Variants in MKLN1 observed in about 807,000 individuals in gnomAD.
MKLN1 encodes muskelin.
A neutral mutation model predicts 99.0 loss-of-function variants in MKLN1; 18 were observed. The ratio of observed to expected loss-of-function variants is 0.18; its 90% CI spans 0.13 to 0.27. The LOEUF is 0.27. Among genes scored for constraint, MKLN1 ranks in the 10% least tolerant of loss-of-function variants. The pLI is 1.00. For missense variants in MKLN1, 621 were observed against 875.9 expected, an observed-to-expected ratio of 0.71 and a Z score of 3.67; for synonymous variants, 288 against 293.2, an observed-to-expected ratio of 0.98 and a Z score of 0.18.
At chr7:131,348,677 G>C (rs572752019) in intron 1 of MKLN1, among the ~76,000 whole-genome samples, 1 of 152,084 alleles carries the variant, frequency 6.6e-6, no homozygotes, top group Non-Finnish European at 1.5e-5. Flanking sequence ...GGGTATGAGA[G>C]GAGAGTTCTT....
intron 3 of MKLN1, among the ~76,000 whole-genome samples, chr7:131,295,054 C>T (rs988205809): frequency 2.6e-5 from 4 of 152,148 alleles, no homozygotes; most frequent in Admixed American, 6.5e-5. Context: ...TAACCTCTAC[C>T]GTGTGACAGG....
chr7:131,460,492 A>T (rs1288791741), intron 12 of MKLN1, among the ~76,000 whole-genome samples: 1 of 152,262 alleles, frequency 6.6e-6, no homozygotes, highest in Non-Finnish European at 1.5e-5. Flanking sequence ...TAGGCACACA[A>T]GTTGGGAACA....
intron 1 of MKLN1, among the ~76,000 whole-genome samples, chr7:131,136,759 G>A (rs1366420577): frequency 6.6e-6 from 1 of 152,152 alleles, no homozygotes; most frequent in African/African-American, 2.4e-5. Flanking sequence ...TTATTTGTTG[G>A]TGTCTTTGCC....
At chr7:131,123,999 A>G (rs935209302) in intron 1 of MKLN1, among the ~76,000 whole-genome samples, 21 of 152,194 alleles carry the variant, frequency 1.4e-4, no homozygotes, top group Non-Finnish European at 5.9e-5. Context: ...GTCAGACAAA[A>G]CTAAGTTTAA....
intron 3 of MKLN1, among the ~76,000 whole-genome samples, chr7:131,241,747 A>C (rs943179115): frequency 3.3e-5 from 5 of 152,256 alleles, no homozygotes; most frequent in Admixed American, 3.3e-4. Context: ...ATCTGAATTA[A>C]TGCTTGGATG....
chr7:131,253,691 AG>A (rs1053070222), intron 3 of MKLN1, among the ~76,000 whole-genome samples: 5 of 152,238 alleles, frequency 3.3e-5, no homozygotes, highest in African/African-American at 1.2e-4. Flanking sequence ...ATTCTGTCCA[AG>A]AGAAGAGGCA....
At chr7:131,225,193 A>C (rs1043464787) in intron 3 of MKLN1, among the ~76,000 whole-genome samples, 8 of 152,212 alleles carry the variant, frequency 5.3e-5, no homozygotes, top group African/African-American at 1.9e-4. Flanking sequence ...TGTTTGTCAC[A>C]GTTCTAGAGC....
upstream of MKLN1, chr7:131,327,816 G>A: frequency 1.3e-6 from 2 of 1,514,470 alleles, no homozygotes; most frequent in Non-Finnish European, 1.8e-6. Flanking sequence ...GGAGGGCGGC[G>A]GCCCCTTTAA....
At chr7:131,298,593 CT>C (rs1798329376) in intron 3 of MKLN1, among the ~76,000 whole-genome samples, 1 of 152,204 alleles carries the variant, frequency 6.6e-6, no homozygotes. Context: ...GGCCTTCCCT[CT>C]TTTCTCACAG....
At chr7:131,425,034 A>G (rs1193980045) in intron 8 of MKLN1, among the ~76,000 whole-genome samples, 1 of 152,204 alleles carries the variant, frequency 6.6e-6, no homozygotes, top group Non-Finnish European at 1.5e-5. Flanking sequence ...TATTCATCAC[A>G]CAGTTTAACC....
At chr7:131,475,441 A>G (rs1301493598) in intron 16 of MKLN1, among the ~76,000 whole-genome samples, 2 of 152,238 alleles carry the variant, frequency 1.3e-5, no homozygotes, top group Admixed American at 1.3e-4. Flanking sequence ...AAAAAATACA[A>G]TTTTACATAG....
rs1262974764 is a variant in MKLN1 at position 131,491,086 on chromosome 7, T to C, written c.*3358T>C. On this transcript the variant is annotated 3_prime_UTR_variant, in exon 18 of 18. Coordinates refer to ENST00000352689, the MANE Select transcript of MKLN1 (RefSeq NM_013255.5). ...ATGGAATTCACTGGGTAATTGTGGG[T>C]CATTTATTTCCTGAAAGTCACGTGA... 1 of 152,174 alleles carries C rather than the reference T, an allele frequency of 6.6e-6. No individual in the cohort carries two copies. The highest frequency in any genetic ancestry group is 1.5e-5 in the Non-Finnish European group (1 of 68,012). The allele number at this position is 152,174 out of a possible 1,614,324, so 9.4% of individuals were successfully genotyped here. A position where few individuals can be genotyped will look rare whatever the true frequency, so the allele number is the denominator to read the frequency against.
rs145213951 is a variant in MKLN1, at chr7:131,198,207, T to C, written c.-296-4650T>C. Among the ~76,000 whole-genome samples, 817 of 152,320 alleles carry C rather than the reference T, an allele frequency of 5.4e-3. 10 individuals carry two copies. The highest frequency in any genetic ancestry group is 0.018 in the African/African-American group (757 of 41,568). ...AGTGTTGTCCAAGTCTATTCCTAAT[T>C]CATCCTGCTTTGTTGCTCTGACACC... On this transcript the variant is annotated intron_variant, in intron 2 of 7. Transcript: ENST00000416992.
intron 1 of MKLN1, among the ~76,000 whole-genome samples, chr7:131,138,095 T>C (rs1171568699): frequency 1.3e-5 from 2 of 151,960 alleles, no homozygotes; most frequent in East Asian, 3.9e-4. Flanking sequence ...CCAGCTAATT[T>C]TGTATTTTTA....
intron 1 of MKLN1, among the ~76,000 whole-genome samples, chr7:131,353,211 T>G (rs1049102116): frequency 7.2e-5 from 11 of 152,170 alleles, no homozygotes; most frequent in African/African-American, 2.7e-4. Flanking sequence ...GGTTACCATT[T>G]TACATTCCCA....
At chr7:131,413,723 G>A (rs945464437) in intron 7 of MKLN1, among the ~76,000 whole-genome samples, 7 of 152,044 alleles carry the variant, frequency 4.6e-5, no homozygotes, top group African/African-American at 1.7e-4. Context: ...TATTTTAGTA[G>A]AGACAGGGTT....
chr7:131,376,118 A>G (rs1289790611), intron 2 of MKLN1, among the ~76,000 whole-genome samples: 1 of 212 alleles, frequency 4.7e-3, no homozygotes. Flanking sequence ...ATATATATAT[A>G]TATATATATA....
At chr7:131,386,249 TGATCCGCCCACCTC>T (rs960617385) in intron 2 of MKLN1, among the ~76,000 whole-genome samples, 1 of 152,138 alleles carries the variant, frequency 6.6e-6, no homozygotes, top group African/African-American at 2.4e-5. Flanking sequence ...CCTGACCTTG[TGATCCGCCCACCTC>T]GGCCTCCCAA....
Position 131,445,902 on chromosome 7 carries a change from G to A in MKLN1, c.1524G>A (p.Met508Ile). 6.3e-7 allele frequency: 1 copy of A among 1,587,182 alleles called. No individual in the cohort carries two copies. Among genetic ancestry groups the A allele is most frequent in the Non-Finnish European group, 8.6e-7 (1 of 1,163,806 alleles). Reference sequence around the variant, plus strand: ...ATGGCACCAAGAAAGACTCTGGGATGGGTAAGGGCATTGAGTGATTTCTTC... The same window carrying A: ...ATGGCACCAAGAAAGACTCTGGGATAGGTAAGGGCATTGAGTGATTTCTTC... ...ISDGTKKDSG[M>I]VPMTGFTQRA... The change falls in exon 12 of 18, where the codon ATG becomes ATA. Residue 508 changes from methionine to isoleucine, a missense_variant and splice_region_variant. Physicochemically the swap from Met to Ile is conservative, Grantham distance 10. This residue lies in a region of MKLN1 where 361 missense variants were observed against 540.8 expected (regional missense o/e 0.67). Transcript: ENST00000352689.
Sources: allele counts gnomAD v4.1 joint callset (sites outside exome capture counted in the v4.1 genomes callset), GRCh38; gene constraint gnomAD v4.1.1; regional missense constraint gnomAD v4.1.1; transcripts MANE v1.5; gene names NCBI Gene and HGNC (gene_info 2026-07-23, HGNC 2026-07-21).